Variants in TAOK3 observed in about 807,000 individuals in gnomAD.
The protein encoded by TAOK3 is TAO kinase 3.
Under a neutral mutation model 120.4 loss-of-function variants are expected in TAOK3, and 40 were observed. The observed-to-expected ratio is 0.33, with a 90% CI of 0.26 to 0.43. The LOEUF (loss-of-function observed/expected upper bound fraction) is 0.43, where lower values mean the gene tolerates loss of function less well. TAOK3 is among the 20% of genes least tolerant of loss of function. TAOK3 has a pLI of 1.00. For missense variants in TAOK3, 821 were observed against 1,112.1 expected (o/e 0.74, Z 3.72); for synonymous variants, 355 against 387.5 (o/e 0.92, Z 0.99).
chr12:118,368,296 G>C (rs186193375), intron 1 of TAOK3, among the ~76,000 whole-genome samples: 8 of 151,992 alleles, frequency 5.3e-5, no homozygotes, highest in Admixed American at 1.3e-4. Context: ...TCCCGGATTC[G>C]AGCGATTCTC....
chr12:118,337,338 C>G (rs1431473615), intron 1 of TAOK3, among the ~76,000 whole-genome samples: 1 of 152,180 alleles, frequency 6.6e-6, no homozygotes, highest in Non-Finnish European at 1.5e-5. Context: ...TACAGCCACT[C>G]TGGAAAATAG....
At position 118,150,976 on chromosome 12, in the gene TAOK3, T is replaced by G. The variant is rs2034356375; in HGVS notation, c.*21A>C. 4 of 1,515,580 alleles carry G rather than the reference T, an allele frequency of 2.6e-6. No homozygotes were observed. Among genetic ancestry groups the G allele is most frequent in the South Asian group, 1.3e-5 (1 of 79,128 alleles). The allele number at this position is 1,515,580 out of a possible 1,614,324, so 93.9% of individuals were successfully genotyped here. The stretch of plus-strand genomic sequence containing the variant: ...GTTTTCTTTTTTTTTTTTTTTTTTG[T>G]AAATGGCAAAAAATTTAATCTCATC... On this transcript the variant is annotated 3_prime_UTR_variant, in exon 21 of 21. Coordinates refer to ENST00000392533, the MANE Select transcript of TAOK3 (RefSeq NM_016281.4).
At chr12:118,253,406 G>A (rs2040839371) in intron 3 of TAOK3, among the ~76,000 whole-genome samples, 1 of 152,120 alleles carries the variant, frequency 6.6e-6, no homozygotes, top group South Asian at 2.1e-4. Context: ...TTGCTTTAAT[G>A]GACTATTATG....
intron 12 of TAOK3, chr12:118,199,645 G>C (rs975709467): frequency 2.8e-5 from 7 of 246,146 alleles, no homozygotes; most frequent in Non-Finnish European, 4.8e-5. Flanking sequence ...TGAGCTCTAG[G>C]ATATCTTCAA....
intron 9 of TAOK3, among the ~76,000 whole-genome samples, chr12:118,224,789 C>A (rs1459500802): frequency 6.6e-6 from 1 of 152,014 alleles, no homozygotes; most frequent in African/African-American, 2.4e-5. Context: ...GATGCCATCC[C>A]AGCAATTCAA....
intron 1 of TAOK3, among the ~76,000 whole-genome samples, chr12:118,322,338 GAAGA>G: frequency 6.9e-6 from 1 of 143,942 alleles, no homozygotes; most frequent in East Asian, 2.0e-4. Flanking sequence ...AAAAAAAATT[GAAGA>G]AAGACACTGC....
At chr12:118,226,834 A>G (rs2039531846) in intron 9 of TAOK3, among the ~76,000 whole-genome samples, 1 of 152,198 alleles carries the variant, frequency 6.6e-6, no homozygotes. Context: ...AAAATCAGAA[A>G]GCACATATAA....
At chr12:118,159,470 T>G (rs1237108087) in intron 19 of TAOK3, among the ~76,000 whole-genome samples, 1 of 152,036 alleles carries the variant, frequency 6.6e-6, no homozygotes, top group Non-Finnish European at 1.5e-5. Context: ...GCCCAGCTAA[T>G]TTTTGTACTT....
chr12:118,240,239 G>A (rs2040189918), intron 5 of TAOK3, among the ~76,000 whole-genome samples: 1 of 150,482 alleles, frequency 6.6e-6, no homozygotes, highest in Admixed American at 6.6e-5. Context: ...GAGTGCAATG[G>A]CACGATCTTG....
chr12:118,300,369 C>T (rs920240987), intron 1 of TAOK3, among the ~76,000 whole-genome samples: 9 of 152,008 alleles, frequency 5.9e-5, no homozygotes, highest in Non-Finnish European at 1.3e-4. Context: ...TGGTAACTTC[C>T]AAAAGTCTGA....
chr12:118,268,690 T>C (rs2041563833), intron 1 of TAOK3, among the ~76,000 whole-genome samples: 1 of 152,202 alleles, frequency 6.6e-6, no homozygotes, highest in Non-Finnish European at 1.5e-5. Context: ...TGACATCATA[T>C]GAACACTAGT....
intron 1 of TAOK3, among the ~76,000 whole-genome samples, chr12:118,320,173 A>G (rs1286801686): frequency 6.6e-6 from 1 of 152,226 alleles, no homozygotes; most frequent in African/African-American, 2.4e-5. Flanking sequence ...AAAATAGATA[A>G]GGGCCTAGGC....
chr12:118,246,474 G>C, intron 3 of TAOK3: 5 of 1,541,868 alleles, frequency 3.2e-6, no homozygotes, highest in Non-Finnish European at 4.4e-6. Flanking sequence ...TGTTGCTATC[G>C]GGGACTACAA....
At chr12:118,270,822 C>T (rs1458084361) in intron 1 of TAOK3, among the ~76,000 whole-genome samples, 2 of 151,884 alleles carry the variant, frequency 1.3e-5, no homozygotes, top group Non-Finnish European at 2.9e-5. Flanking sequence ...CTACAGGCGC[C>T]CGCCACCACG....
rs192291927 is a variant in TAOK3 at position 118,337,653 on chromosome 12, T to G, written c.-194+34995A>C. ...AGAATTACACTGGGTGGGAAAAAAA[T>G]CCACAAAGGTTACATACTGAATGAT... On this transcript the variant is annotated intron_variant, in intron 1 of 20. Transcript: ENST00000392533. Among the ~76,000 whole-genome samples, 79 of 152,168 alleles carry G rather than the reference T, an allele frequency of 5.2e-4. No individual in the cohort carries two copies. In the East Asian group the frequency reaches 0.011, roughly 21 times the overall value.
intron 1 of TAOK3, among the ~76,000 whole-genome samples, chr12:118,341,429 A>T (rs2044614488): frequency 6.6e-6 from 1 of 152,136 alleles, no homozygotes; most frequent in Non-Finnish European, 1.5e-5. Context: ...TATGAGTCCA[A>T]ATTAGGTCCA....
intron 9 of TAOK3, among the ~76,000 whole-genome samples, chr12:118,228,594 T>G (rs1346039150): frequency 6.6e-6 from 1 of 152,252 alleles, no homozygotes; most frequent in African/African-American, 2.4e-5. Flanking sequence ...TGATGATACA[T>G]GTAGATCCAG....
intron 19 of TAOK3, among the ~76,000 whole-genome samples, chr12:118,156,870 T>A (rs2034865151): frequency 6.6e-6 from 1 of 152,088 alleles, no homozygotes; most frequent in South Asian, 2.1e-4. Flanking sequence ...CCCAAGTAGC[T>A]GGGATTACAC....
At chr12:118,352,943 C>T (rs547526711) in intron 1 of TAOK3, among the ~76,000 whole-genome samples, 1 of 152,184 alleles carries the variant, frequency 6.6e-6, no homozygotes, top group East Asian at 1.9e-4. Context: ...CTCCTGACCT[C>T]AGGTGATCCA....
Sources: allele counts gnomAD v4.1 joint callset (sites outside exome capture counted in the v4.1 genomes callset), GRCh38; gene constraint gnomAD v4.1.1; transcripts MANE v1.5; gene names NCBI Gene and HGNC (gene_info 2026-07-23, HGNC 2026-07-21).